Variants in AKR1E2 observed in about 807,000 individuals in gnomAD.
AKR1E2 encodes the protein aldo-keto reductase family 1 member E2, also known as 1,5-anhydro-D-fructose reductase.
Under a neutral mutation model 41.9 loss-of-function variants are expected in AKR1E2, and 43 were observed. The observed-to-expected ratio is 1.03, with a 90% CI of 0.80 to 1.32. The LOEUF (loss-of-function observed/expected upper bound fraction) is 1.32. Among genes scored for constraint, AKR1E2 ranks in the 40% most tolerant of loss-of-function variants. The probability of loss-of-function intolerance (pLI) is 0.00; values close to 1 mark genes in which losing one functional copy is unlikely to be tolerated. For synonymous variants in AKR1E2, 121 were observed against 138.9 expected, an observed-to-expected ratio of 0.87 and a Z score of 0.91; for missense variants, 423 against 396.5, an observed-to-expected ratio of 1.07 and a Z score of -0.57.
intron 8 of AKR1E2, among the ~76,000 whole-genome samples, chr10:4,846,426 G>T (rs764584107): frequency 1.9e-4 from 29 of 152,166 alleles, no homozygotes; most frequent in Non-Finnish European, 4.4e-5. Context: ...TCTGTGATAT[G>T]GGTACTGTTA....
the AKR1E2 span, among the ~76,000 whole-genome samples, chr10:4,868,539 A>T: frequency 6.6e-6 from 1 of 152,142 alleles, no homozygotes; most frequent in Non-Finnish European, 1.5e-5. Flanking sequence ...TGTGATATGT[A>T]TGCCTTTTAT....
chr10:4,834,372 G>A (rs1463565329), intron 3 of AKR1E2, among the ~76,000 whole-genome samples: 1 of 152,216 alleles, frequency 6.6e-6, no homozygotes, highest in Non-Finnish European at 1.5e-5. Context: ...AACGATGTGG[G>A]CAGCTGTCCG....
the AKR1E2 span, among the ~76,000 whole-genome samples, chr10:4,857,894 T>C: frequency 2.0e-5 from 3 of 152,172 alleles, no homozygotes; most frequent in Admixed American, 2.0e-4. Flanking sequence ...TAAAGCAAGC[T>C]AAATGTTTTT....
chr10:4,826,499 G>A (rs1366416609), intron 1 of AKR1E2, 136 bp downstream of exon 1: 2 of 817,018 alleles, frequency 2.4e-6, no homozygotes, highest in Non-Finnish European at 3.3e-6. Flanking sequence ...CGGGAAAGGC[G>A]CTGCTGAGGT....
chr10:4,842,811 A>G (rs989303793), intron 8 of AKR1E2, among the ~76,000 whole-genome samples: 1 of 152,206 alleles, frequency 6.6e-6, no homozygotes, highest in African/African-American at 2.4e-5. Flanking sequence ...CACCAGTCAC[A>G]TGGCTGCGCT....
the AKR1E2 span, among the ~76,000 whole-genome samples, chr10:4,859,355 T>C: frequency 1.3e-5 from 2 of 152,164 alleles, no homozygotes. Context: ...GTGCTACGAC[T>C]ACATTCGGTA....
the AKR1E2 span, among the ~76,000 whole-genome samples, chr10:4,854,445 C>T: frequency 6.6e-6 from 1 of 152,098 alleles, no homozygotes; most frequent in Admixed American, 6.6e-5. Context: ...TGGACTTGCC[C>T]TGAATTCACT....
intron 1 of AKR1E2, among the ~76,000 whole-genome samples, chr10:4,827,267 T>C (rs1832614612): frequency 6.6e-6 from 1 of 152,104 alleles, no homozygotes; most frequent in Middle Eastern, 3.2e-3. Flanking sequence ...TGTGGTTAAA[T>C]CAAGCTAATT....
In AKR1E2 at chr10:4,826,376, C is replaced by T. The variant is rs1192958556; in HGVS notation, c.39+13C>T. 4.9e-6 allele frequency: 6 copies of T among 1,233,628 alleles called. No homozygotes were observed. The highest frequency in any genetic ancestry group is 8.2e-5 in the South Asian group (2 of 24,328). The allele number at this position is 1,233,628 out of a possible 1,614,324, so 76.4% of individuals were successfully genotyped here. On this transcript the variant is annotated intron_variant, in intron 1 of 9. Coordinates refer to ENST00000298375, the MANE Select transcript of AKR1E2 (RefSeq NM_001040177.3). ...CAGCTCCTGGAAGGTGACGCGGTCG[C>T]GGGCAGGGAGGCGCGCCTGACCTAG...
In AKR1E2 at chr10:4,847,175, G is replaced by C. The variant is rs140861331; in HGVS notation, c.865G>C (p.Asp289His). ...QVFDFELTQH[D>H]MDNILSLNRN... The stretch of plus-strand genomic sequence containing the variant: ...GTTTGATTTTGAATTAACACAGCAC[G>C]ATATGGATAACATCCTCAGCCTAAA... The change falls in exon 9 of 10, where the codon GAT (aspartate) becomes CAT (histidine). Residue 289 changes from aspartate (D) to histidine (H), a missense_variant. Asp to His is a moderately conservative substitution (Grantham distance 81). Transcript: ENST00000298375. 6.2e-7 allele frequency: 1 copy of C among 1,614,162 alleles called. No individual in the cohort carries two copies. The highest frequency in any genetic ancestry group is 1.3e-5 in the African/African-American group (1 of 75,052).
At chr10:4,855,829 G>C in the AKR1E2 span, among the ~76,000 whole-genome samples, 1 of 152,128 alleles carries the variant, frequency 6.6e-6, no homozygotes, top group Non-Finnish European at 1.5e-5. Context: ...TCAAATATTA[G>C]GTTTGCTAAA....
chr10:4,825,077 G>C (rs1588418208), upstream of AKR1E2: 1 of 450,502 alleles, frequency 2.2e-6, no homozygotes, highest in African/African-American at 2.0e-5. Flanking sequence ...GAATAAATGA[G>C]AGTATCGAAG....
At chr10:4,863,113 A>G in the AKR1E2 span, among the ~76,000 whole-genome samples, 1 of 152,220 alleles carries the variant, frequency 6.6e-6, no homozygotes, top group African/African-American at 2.4e-5. Flanking sequence ...AGTGGACCTA[A>G]TAGACATCTA....
downstream of AKR1E2, among the ~76,000 whole-genome samples, chr10:4,848,859 C>G (rs918136601): frequency 6.6e-6 from 1 of 152,196 alleles, no homozygotes; most frequent in African/African-American, 2.4e-5. Flanking sequence ...CCTTCAGTGT[C>G]CTTGTCCACT....
intron 8 of AKR1E2, among the ~76,000 whole-genome samples, chr10:4,844,422 C>G (rs1834139834): frequency 6.6e-6 from 1 of 152,240 alleles, no homozygotes; most frequent in Non-Finnish European, 1.5e-5. Context: ...AACAACAAAG[C>G]TTCCGCAGTG....
downstream of AKR1E2, among the ~76,000 whole-genome samples, chr10:4,850,339 G>T (rs1434151398): frequency 6.6e-6 from 1 of 152,172 alleles, no homozygotes; most frequent in East Asian, 1.9e-4. Flanking sequence ...TGGCACTTTC[G>T]TATTTTATTT....
At chr10:4,869,684 C>T in the AKR1E2 span, among the ~76,000 whole-genome samples, 1 of 151,964 alleles carries the variant, frequency 6.6e-6, no homozygotes, top group Non-Finnish European at 1.5e-5. Context: ...GTGTTCTACA[C>T]AATTTGATAT....
intron 4 of AKR1E2, 40 bp from the exon 5 acceptor site, chr10:4,837,419 A>G: frequency 6.2e-7 from 1 of 1,607,926 alleles, no homozygotes; most frequent in Non-Finnish European, 8.5e-7. Context: ...TCAGTGCAGT[A>G]GACAGAAGCT....
At chr10:4,856,480 C>A in the AKR1E2 span, among the ~76,000 whole-genome samples, 1 of 152,106 alleles carries the variant, frequency 6.6e-6, no homozygotes, top group African/African-American at 2.4e-5. Flanking sequence ...AAAGTGAATA[C>A]GATTGGATAC....
Sources: gnomAD v4.1 joint callset for allele counts (sites outside exome capture counted in the v4.1 genomes callset) on GRCh38, gnomAD v4.1.1 for gene constraint, MANE v1.5 for transcripts, NCBI Gene and HGNC (gene_info 2026-07-23, HGNC 2026-07-21) for gene names.